The following PDE7A variants were observed in gnomAD, a reference collection of about 807,000 sequenced individuals.
The protein encoded by PDE7A is high affinity 3',5'-cyclic-AMP phosphodiesterase 7A.
In PDE7A, 39 loss-of-function variants were observed where a neutral mutation model predicts 64.3. That is an observed-to-expected ratio of 0.61 (90% confidence interval 0.47 to 0.79). PDE7A has a LOEUF of 0.79. Among genes scored for constraint, PDE7A ranks in the 30% least tolerant of loss-of-function variants. The pLI, the probability that PDE7A is intolerant of heterozygous loss-of-function variation, is 0.00. For missense variants in PDE7A, 470 were observed against 582.8 expected (o/e 0.81, Z 1.99); for synonymous variants, 203 against 206.8 (o/e 0.98, Z 0.16).
In PDE7A at chr8:65,814,384, G is replaced by C. The variant is rs188839385; in HGVS notation, c.138+26987C>G. Among the ~76,000 whole-genome samples the C allele has an allele frequency of 5.8e-3, 872 of 149,606 alleles. 9 individuals carry two copies. Among genetic ancestry groups the C allele is most frequent in the African/African-American group, 0.02 (823 of 40,960 alleles). On this transcript the variant is annotated intron_variant, in intron 1 of 12. Transcript: ENST00000401827. Reference sequence around the variant, plus strand: ...AAATTAGCCGGGCGTAGTGGCGGGCGCCTGTAGTCCCAGCTACTTGGGAGG... The same window carrying C: ...AAATTAGCCGGGCGTAGTGGCGGGCCCCTGTAGTCCCAGCTACTTGGGAGG...
intron 6 of PDE7A, among the ~76,000 whole-genome samples, chr8:65,737,334 T>C (rs937430469): frequency 6.6e-6 from 1 of 151,992 alleles, no homozygotes; most frequent in African/African-American, 2.4e-5. Context: ...ATATGAACAA[T>C]GTGCAAAGTG....
chr8:65,796,866 C>T (rs560138897), intron 1 of PDE7A, among the ~76,000 whole-genome samples: 1 of 152,074 alleles, frequency 6.6e-6, no homozygotes, highest in South Asian at 2.1e-4. Context: ...AAGCATAAGG[C>T]ATATAAATTA....
intron 2 of PDE7A, among the ~76,000 whole-genome samples, chr8:65,781,710 C>T (rs959926399): frequency 6.6e-6 from 1 of 152,150 alleles, no homozygotes; most frequent in Non-Finnish European, 1.5e-5. Flanking sequence ...AGAACACAGA[C>T]ATGGGGAACA....
intron 1 of PDE7A, among the ~76,000 whole-genome samples, chr8:65,802,357 A>T (rs554962288): frequency 1.3e-5 from 2 of 152,344 alleles, no homozygotes; most frequent in South Asian, 4.1e-4. Context: ...TTTTACCACA[A>T]TAAAAAAATG....
intron 1 of PDE7A, chr8:65,788,994 G>A (rs1206662116): frequency 6.2e-7 from 1 of 1,601,662 alleles, no homozygotes; most frequent in East Asian, 2.2e-5. Flanking sequence ...AGGGAGCAAG[G>A]AAAACTTCTT....
intron 5 of PDE7A, among the ~76,000 whole-genome samples, chr8:65,743,762 G>A (rs1225627326): frequency 1.3e-5 from 2 of 151,946 alleles, no homozygotes; most frequent in African/African-American, 4.8e-5. Context: ...GTACAGCAGT[G>A]ATTTCATTAT....
chr8:65,765,902 T>A (rs910971357), intron 3 of PDE7A, among the ~76,000 whole-genome samples: 2 of 152,232 alleles, frequency 1.3e-5, no homozygotes, highest in Non-Finnish European at 2.9e-5. Flanking sequence ...AAAGAATGAT[T>A]TATTAAGTTT....
chr8:65,817,600 G>T (rs1810439671), intron 1 of PDE7A, among the ~76,000 whole-genome samples: 1 of 152,130 alleles, frequency 6.6e-6, no homozygotes, highest in South Asian at 2.1e-4. Context: ...ACCTTGACAG[G>T]TTTGATGAGT....
intron 3 of PDE7A, chr8:65,765,716 T>G (rs1258227502): frequency 6.6e-6 from 1 of 152,116 alleles, no homozygotes; most frequent in Non-Finnish European, 1.5e-5. Flanking sequence ...TTTGGCAAAT[T>G]CCATGAAAAG....
chr8:65,795,503 C>T (rs916264443), intron 1 of PDE7A, among the ~76,000 whole-genome samples: 2 of 151,958 alleles, frequency 1.3e-5, no homozygotes, highest in Admixed American at 6.5e-5. Context: ...CTCCATGAGG[C>T]CAGAAAAATA....
intron 1 of PDE7A, among the ~76,000 whole-genome samples, chr8:65,813,696 T>C (rs1810310027): frequency 6.6e-6 from 1 of 152,224 alleles, no homozygotes; most frequent in South Asian, 2.1e-4. Context: ...AACTGTATAA[T>C]AGCACGATTG....
intron 1 of PDE7A, among the ~76,000 whole-genome samples, chr8:65,784,216 G>A (rs533470017): frequency 1.3e-5 from 2 of 152,062 alleles, no homozygotes; most frequent in East Asian, 3.9e-4. Flanking sequence ...CAAAAAAAGG[G>A]GCGAGGGGAA....
intron 1 of PDE7A, among the ~76,000 whole-genome samples, chr8:65,834,291 A>G (rs1362624778): frequency 6.6e-6 from 1 of 152,198 alleles, no homozygotes; most frequent in African/African-American, 2.4e-5. Context: ...GATATTCTTA[A>G]TAACATTTTC....
At chr8:65,754,948 A>T (rs2128910630) in intron 3 of PDE7A, among the ~76,000 whole-genome samples, 2 of 150,748 alleles carry the variant, frequency 1.3e-5, no homozygotes, top group South Asian at 4.2e-4. Context: ...CTGGCGACAG[A>T]GCGAGACTCC....
At chr8:65,742,408 A>T (rs1444585263) in intron 5 of PDE7A, among the ~76,000 whole-genome samples, 1 of 152,198 alleles carries the variant, frequency 6.6e-6, no homozygotes, top group Non-Finnish European at 1.5e-5. Context: ...CTCCAAATGC[A>T]TCCTACCAGA....
chr8:65,769,410 ACCCTG>A (rs1808965254), intron 3 of PDE7A, among the ~76,000 whole-genome samples: 1 of 152,194 alleles, frequency 6.6e-6, no homozygotes, highest in Non-Finnish European at 1.5e-5. Flanking sequence ...TGCCAAACTA[ACCCTG>A]AGAGCATATT....
intron 1 of PDE7A, chr8:65,788,993 G>A: frequency 6.2e-7 from 1 of 1,601,976 alleles, no homozygotes; most frequent in Non-Finnish European, 8.5e-7. Context: ...TAGGGAGCAA[G>A]GAAAACTTCT....
chr8:65,820,738 C>T (rs998035447), intron 1 of PDE7A, among the ~76,000 whole-genome samples: 5 of 152,172 alleles, frequency 3.3e-5, no homozygotes, highest in South Asian at 2.1e-4. Flanking sequence ...TACAGACGCA[C>T]ACCACTATGC....
chr8:65,763,686 T>C (rs1473355975), intron 3 of PDE7A, among the ~76,000 whole-genome samples: 1 of 152,204 alleles, frequency 6.6e-6, no homozygotes, highest in Non-Finnish European at 1.5e-5. Flanking sequence ...GAACATAGCA[T>C]AGCTCCTCAG....
Sources: gnomAD v4.1 joint callset for allele counts (sites outside exome capture counted in the v4.1 genomes callset) on GRCh38, gnomAD v4.1.1 for gene constraint, MANE v1.5 for transcripts, NCBI Gene and HGNC (gene_info 2026-07-23, HGNC 2026-07-21) for gene names.